ARID5B: variants seen among roughly 807,000 people sequenced by gnomAD.
The protein encoded by ARID5B is AT-rich interaction domain 5B, also known as AT-rich interactive domain-containing protein 5B.
Under a neutral mutation model 97.2 loss-of-function variants are expected in ARID5B, and 13 were observed. The ratio of observed to expected loss-of-function variants is 0.13; its 90% CI spans 0.09 to 0.21. ARID5B has a LOEUF of 0.21. ARID5B is among the 10% of genes least tolerant of loss of function. ARID5B has a pLI of 1.00. For synonymous variants in ARID5B, 556 were observed against 570.3 expected, an observed-to-expected ratio of 0.97 and a Z score of 0.36; for missense variants, 1,210 against 1,465.3, an observed-to-expected ratio of 0.83 and a Z score of 2.84.
At chr10:61,975,812 A>G (rs1211147691) in intron 3 of ARID5B, among the ~76,000 whole-genome samples, 1 of 152,150 alleles carries the variant, frequency 6.6e-6, no homozygotes, top group African/African-American at 2.4e-5. Context: ...CTTTGCTTTC[A>G]TAGGGAGCGA....
intron 4 of ARID5B, among the ~76,000 whole-genome samples, chr10:62,003,095 T>G (rs535909840): frequency 6.6e-6 from 1 of 152,326 alleles, no homozygotes; most frequent in South Asian, 2.1e-4. Context: ...TGAATAATGT[T>G]TATTTTATTA....
chr10:62,080,303 T>C (rs4948503), intron 8 of ARID5B, among the ~76,000 whole-genome samples: 111,415 of 152,088 alleles, frequency 0.73, 41,252 homozygotes, highest in African/African-American at 0.83. Context: ...AGATCTTCTG[T>C]GGCTCACATC....
chr10:62,051,572 A>T (rs1277577382), intron 5 of ARID5B, among the ~76,000 whole-genome samples: 1 of 152,258 alleles, frequency 6.6e-6, no homozygotes, highest in Non-Finnish European at 1.5e-5. Context: ...CTGTTAACAT[A>T]GAATGAAAGT....
chr10:62,030,901 C>T (rs1162935947), intron 4 of ARID5B, among the ~76,000 whole-genome samples: 3 of 152,198 alleles, frequency 2.0e-5, no homozygotes, highest in Non-Finnish European at 4.4e-5. Flanking sequence ...TTTCAAAGTA[C>T]ATCCCCCAGG....
At chr10:61,914,418 C>CT (rs1432805934) in intron 2 of ARID5B, among the ~76,000 whole-genome samples, 2 of 152,158 alleles carry the variant, frequency 1.3e-5, no homozygotes, top group African/African-American at 4.8e-5. Context: ...CAATGAGTGA[C>CT]TAGTACACAA....
At chr10:62,090,513 C>T (rs766867280) in intron 9 of ARID5B, among the ~76,000 whole-genome samples, 5 of 151,998 alleles carry the variant, frequency 3.3e-5, no homozygotes. Flanking sequence ...AATTTAAAAC[C>T]CATTTGGATA....
At chr10:62,052,985 A>T (rs939451274) in intron 5 of ARID5B, among the ~76,000 whole-genome samples, 6 of 152,220 alleles carry the variant, frequency 3.9e-5, no homozygotes, top group Non-Finnish European at 5.9e-5. Flanking sequence ...AAGCAAAAAG[A>T]TCAGTAGGTA....
At chr10:61,988,021 A>G (rs976495877) in intron 3 of ARID5B, among the ~76,000 whole-genome samples, 3 of 152,250 alleles carry the variant, frequency 2.0e-5, no homozygotes, top group African/African-American at 4.8e-5. Flanking sequence ...AACTAGAGCC[A>G]TCCTCCTCCT....
intron 2 of ARID5B, among the ~76,000 whole-genome samples, chr10:61,935,045 A>C (rs1844275387): frequency 6.6e-6 from 1 of 151,784 alleles, no homozygotes; most frequent in African/African-American, 2.4e-5. Context: ...AGATCAACAT[A>C]CTGGATATAA....
chr10:62,032,829 T>A (rs77249787), intron 4 of ARID5B, among the ~76,000 whole-genome samples: 3,188 of 152,312 alleles, frequency 0.021, 52 homozygotes, highest in Non-Finnish European at 0.032. Flanking sequence ...TCATCTTAAA[T>A]GACTCCTTTC....
In ARID5B at chr10:62,092,680, C is replaced by A. The variant is rs748374587; in HGVS notation, c.3217C>A (p.Leu1073Ile). 6.2e-7 allele frequency: 1 copy of A among 1,613,986 alleles called. No individual in the cohort carries two copies. Among genetic ancestry groups the A allele is most frequent in the Admixed American group, 1.7e-5 (1 of 60,016 alleles). The change falls in exon 10 of 10, where the codon CTC becomes ATC. Residue 1073 changes from leucine (L) to isoleucine (I), a missense_variant. Physicochemically the swap from Leu to Ile is conservative, Grantham distance 5. Around this residue, in one of 8 missense-constraint regions of ARID5B, gnomAD observed 800 missense variants for 839.1 expected, o/e 0.95. Coordinates refer to ENST00000279873, the MANE Select transcript of ARID5B (RefSeq NM_032199.3). ...GGGSEGHKLP[L>I]SSPIFPGLYS... ...CGGATCAGAAGGCCACAAGCTTCCC[C>A]TCTCCTCCCCTATCTTCCCAGGTCT...
intron 2 of ARID5B, among the ~76,000 whole-genome samples, chr10:61,924,670 C>T (rs1169098922): frequency 2.6e-5 from 4 of 152,144 alleles, no homozygotes; most frequent in Non-Finnish European, 5.9e-5. Flanking sequence ...GGAAGATTTA[C>T]TCGGTTTGTA....
chr10:62,079,715 G>A (rs1030778999), intron 8 of ARID5B, among the ~76,000 whole-genome samples: 1 of 152,156 alleles, frequency 6.6e-6, no homozygotes, highest in South Asian at 2.1e-4. Flanking sequence ...CGGGACCATG[G>A]AGGGAGGTAT....
chr10:61,974,940 T>C (rs1838679456), intron 3 of ARID5B, among the ~76,000 whole-genome samples: 1 of 149,388 alleles, frequency 6.7e-6, no homozygotes, highest in African/African-American at 2.6e-5. Flanking sequence ...AGATATGTGC[T>C]CTAACTGCTT....
At chr10:61,967,934 G>A (rs549104817) in intron 3 of ARID5B, among the ~76,000 whole-genome samples, 1 of 151,772 alleles carries the variant, frequency 6.6e-6, no homozygotes, top group Admixed American at 6.6e-5. Flanking sequence ...CCATCTATTT[G>A]TACATTCTTA....
intron 8 of ARID5B, 67 bp from the exon 9 acceptor site, chr10:62,085,635 A>G (rs1481802812): frequency 7.7e-7 from 1 of 1,303,530 alleles, no homozygotes; most frequent in Non-Finnish European, 1.1e-6. Context: ...AAGAAAGTAA[A>G]CCCCCATAGC....
chr10:61,969,936 A>G (rs1308252967), intron 3 of ARID5B, among the ~76,000 whole-genome samples: 2 of 152,228 alleles, frequency 1.3e-5, no homozygotes, highest in African/African-American at 4.8e-5. Context: ...ATTACACTTA[A>G]AACACTAGAA....
At position 62,057,313 on chromosome 10, in the gene ARID5B, A is replaced by G. The variant is rs753784702; in HGVS notation, c.1043A>G (p.Lys348Arg). The G allele has an allele frequency of 6.2e-7, 1 of 1,613,122 alleles. No homozygotes were observed. Among genetic ancestry groups the G allele is most frequent in the East Asian group, 2.2e-5 (1 of 44,878 alleles). ...PIERIPYLGF[K>R]QINLWTMFQA... is the part of the protein sequence containing the mutation. ...GAACGAATACCCTATTTAGGTTTTA[A>G]ACAGAGTGAGTATACTTGTTTTCGT... Residue 348 changes from lysine to arginine, a missense_variant, in exon 6 of 10, where the codon AAA becomes AGA. Lys to Arg is a conservative substitution (Grantham distance 26). Coordinates refer to ENST00000279873, the MANE Select transcript of ARID5B (RefSeq NM_032199.3).
intron 3 of ARID5B, among the ~76,000 whole-genome samples, chr10:61,958,008 T>A (rs1457538458): frequency 6.6e-6 from 1 of 152,094 alleles, no homozygotes; most frequent in Non-Finnish European, 1.5e-5. Flanking sequence ...GTCCACCTGG[T>A]TGGTTGGTGG....
Sources: allele counts gnomAD v4.1 joint callset (sites outside exome capture counted in the v4.1 genomes callset), GRCh38; gene constraint gnomAD v4.1.1; regional missense constraint gnomAD v4.1.1; transcripts MANE v1.5; gene names NCBI Gene and HGNC (gene_info 2026-07-23, HGNC 2026-07-21).